MTSS1: variants seen among roughly 807,000 people sequenced by gnomAD.
The protein encoded by MTSS1 is protein MTSS 1.
A neutral mutation model predicts 79.0 loss-of-function variants in MTSS1; 18 were observed. That is an observed-to-expected ratio of 0.23 (90% CI 0.16 to 0.34). The LOEUF (loss-of-function observed/expected upper bound fraction) is 0.34, where lower values mean the gene tolerates loss of function less well. Ranked by LOEUF, MTSS1 falls within the 10% of genes least tolerant of loss-of-function variation. The pLI is 1.00. For missense variants in MTSS1, 815 were observed against 986.2 expected (o/e 0.83, Z 2.33); for synonymous variants, 341 against 368.6 (o/e 0.93, Z 0.86).
At chr8:124,606,928 T>G (rs1392003506) in intron 3 of MTSS1, among the ~76,000 whole-genome samples, 4 of 152,104 alleles carry the variant, frequency 2.6e-5, no homozygotes, top group Non-Finnish European at 5.9e-5. Context: ...TATCCTGAAA[T>G]CACCCTTTCA....
Position 124,551,367 on chromosome 8 carries a change from G to C in MTSS1, c.*1625C>G, listed in dbSNP as rs1157951009. 6.6e-6 allele frequency: 1 copy of C among 152,612 alleles called. No individual in the cohort carries two copies. The highest frequency in any genetic ancestry group is 1.5e-5 in the Non-Finnish European group (1 of 68,034). 9.5% of individuals were successfully genotyped at this position (152,612 alleles called of 1,614,324 possible). A position where few individuals can be genotyped will look rare whatever the true frequency, so the allele number is the denominator to read the frequency against. On this transcript the variant is annotated 3_prime_UTR_variant, in exon 14 of 14. Transcript: ENST00000518547. ...AATAGTTTCTAATAATCATGCCTTT[G>C]CTTTAAAGCCGTAACATAAAATGTC...
chr8:124,570,439 G>A (rs1448833525), intron 6 of MTSS1, among the ~76,000 whole-genome samples: 2 of 152,202 alleles, frequency 1.3e-5, no homozygotes, highest in African/African-American at 4.8e-5. Flanking sequence ...TATTTTGAAA[G>A]AGAGAAAGAG....
Position 124,727,764 on chromosome 8 carries a change from A to T in MTSS1, c.72+120T>A. The stretch of plus-strand genomic sequence containing the variant: ...TGACACTCCGGCCGGGAGCTCCCGC[A>T]GGTGGCCGGTGGCCACACTGCAGGG... On this transcript the variant is annotated intron_variant, in intron 1 of 13. Transcript: ENST00000518547. This position sits in a 1 kb window ranked among gnomAD's most constrained non-coding sequence, Gnocchi z 4.7. 1 of 828,908 alleles carries T rather than the reference A, an allele frequency of 1.2e-6. No homozygotes were observed. The highest frequency in any genetic ancestry group is 1.8e-6 in the Non-Finnish European group (1 of 546,302). 51.3% of individuals were successfully genotyped at this position (828,908 alleles called of 1,614,324 possible). A position where few individuals can be genotyped will look rare whatever the true frequency, so the allele number is the denominator to read the frequency against.
chr8:124,608,761 G>A (rs1253704012), intron 3 of MTSS1, among the ~76,000 whole-genome samples: 4 of 152,190 alleles, frequency 2.6e-5, no homozygotes, highest in African/African-American at 9.7e-5. Flanking sequence ...ACTGTGTGGA[G>A]GGTGCTGTGG....
At chr8:124,560,554 G>C (rs1299228722) in intron 10 of MTSS1, among the ~76,000 whole-genome samples, 3 of 152,148 alleles carry the variant, frequency 2.0e-5, no homozygotes, top group Non-Finnish European at 4.4e-5. Flanking sequence ...GGTAGGCTGA[G>C]GTAGGAGAAT....
intron 3 of MTSS1, among the ~76,000 whole-genome samples, chr8:124,608,879 T>G (rs1265836919): frequency 3.9e-5 from 6 of 152,194 alleles, no homozygotes; most frequent in Non-Finnish European, 8.8e-5. Context: ...ACCCTGGGCC[T>G]AGGATCTCAA....
intron 1 of MTSS1, among the ~76,000 whole-genome samples, chr8:124,719,878 G>T (rs549420347): frequency 6.6e-6 from 1 of 152,270 alleles, no homozygotes; most frequent in Non-Finnish European, 1.5e-5. Flanking sequence ...ACTTTAAGAG[G>T]GAAGGATTAT....
At position 124,727,096 on chromosome 8, in the gene MTSS1, G is replaced by GCA. The variant is rs531663357; in HGVS notation, c.72+786_72+787dup. Reference sequence around the variant, plus strand: ...GTTCCCCGCCCCCACGCGCGCGCGCGCACACACACATGCACGCGCGCACAC... The same window carrying GCA: ...GTTCCCCGCCCCCACGCGCGCGCGCGCACACACACACATGCACGCGCGCACAC... On this transcript the variant is annotated intron_variant, in intron 1 of 13. Coordinates refer to ENST00000518547, the MANE Select transcript of MTSS1 (RefSeq NM_014751.6). This position sits in a 1 kb window ranked among gnomAD's most constrained non-coding sequence, Gnocchi z 4.7. Among the ~76,000 whole-genome samples the GCA allele has an allele frequency of 3.4e-4, 51 of 151,830 alleles. No individual in the cohort carries two copies. Among genetic ancestry groups the GCA allele is most frequent in the Admixed American group, 9.8e-4 (15 of 15,276 alleles).
At chr8:124,666,807 A>C (rs1360097105) in intron 3 of MTSS1, among the ~76,000 whole-genome samples, 1 of 152,012 alleles carries the variant, frequency 6.6e-6, no homozygotes, top group Non-Finnish European at 1.5e-5. Flanking sequence ...TTATCATGTG[A>C]CCATTAATGG....
chr8:124,589,778 G>A (rs1319152099), intron 4 of MTSS1, 67 bp from the exon 5 acceptor site: 2 of 1,183,160 alleles, frequency 1.7e-6, no homozygotes, highest in Admixed American at 3.7e-5. Context: ...GGATTTAAAT[G>A]TGGTTGTCAA....
intron 9 of MTSS1, among the ~76,000 whole-genome samples, chr8:124,563,706 G>C (rs558865650): frequency 7.9e-5 from 12 of 152,304 alleles, no homozygotes; most frequent in African/African-American, 2.9e-4. Flanking sequence ...TTGGCAAGAG[G>C]CAGGCAGCTT....
intron 3 of MTSS1, among the ~76,000 whole-genome samples, chr8:124,693,274 G>T (rs941067836): frequency 1.3e-5 from 2 of 152,182 alleles, no homozygotes; most frequent in Non-Finnish European, 2.9e-5. Flanking sequence ...GGACAGGTGG[G>T]TTATGGCAAG....
At chr8:124,594,260 G>C (rs530569127) in intron 3 of MTSS1, among the ~76,000 whole-genome samples, 18 of 152,372 alleles carry the variant, frequency 1.2e-4, no homozygotes, top group African/African-American at 4.3e-4. Flanking sequence ...GCCGGGCTCA[G>C]TGGCTCACGC....
At chr8:124,586,476 T>A (rs1830866647) in intron 5 of MTSS1, among the ~76,000 whole-genome samples, 1 of 152,146 alleles carries the variant, frequency 6.6e-6, no homozygotes, top group African/African-American at 2.4e-5. Context: ...CCTCTGGGGC[T>A]CCCTGTATCT....
chr8:124,719,743 T>A (rs954073690), intron 1 of MTSS1, among the ~76,000 whole-genome samples: 1 of 152,246 alleles, frequency 6.6e-6, no homozygotes, highest in Non-Finnish European at 1.5e-5. Flanking sequence ...CTTTGAAACA[T>A]CTGAGTGCCA....
chr8:124,721,411 A>ATTT (rs71289689), intron 1 of MTSS1, among the ~76,000 whole-genome samples: 14,908 of 127,116 alleles, frequency 0.12, 1,412 homozygotes, highest in African/African-American at 0.17. Context: ...TTTAACTCTA[A>ATTT]TTTTTTTTTT....
intron 3 of MTSS1, among the ~76,000 whole-genome samples, chr8:124,674,931 T>G (rs2134767962): frequency 6.6e-6 from 1 of 152,068 alleles, no homozygotes; most frequent in East Asian, 1.9e-4. Context: ...CATGTTGGCC[T>G]GGCTGGTCTC....
In MTSS1 at chr8:124,555,923, A is replaced by G. The variant is rs774492912; in HGVS notation, c.1405-19T>C. The G allele has an allele frequency of 1.9e-5, 30 of 1,591,650 alleles. No homozygotes were observed. The African/African-American group carries it at 4.0e-4, about 21-fold the overall frequency. Reference sequence around the variant, plus strand: ...CACCAGGCTGCAGGTTGGAGGAGAGAAATACACAGGTTGCTTTAGGGGGGG... The same window carrying G: ...CACCAGGCTGCAGGTTGGAGGAGAGGAATACACAGGTTGCTTTAGGGGGGG... On this transcript the variant is annotated intron_variant, in intron 12 of 13. Transcript: ENST00000518547.
chr8:124,673,859 T>A (rs1211494166), intron 3 of MTSS1, among the ~76,000 whole-genome samples: 1 of 152,152 alleles, frequency 6.6e-6, no homozygotes, highest in African/African-American at 2.4e-5. Context: ...TGGCACAAGG[T>A]GAGTTGCTAA....
Sources: gnomAD v4.1 joint callset for allele counts (sites outside exome capture counted in the v4.1 genomes callset) on GRCh38, gnomAD v4.1.1 for gene constraint, Gnocchi (gnomAD v3.1) non-coding constraint, MANE v1.5 for transcripts, NCBI Gene and HGNC (gene_info 2026-07-23, HGNC 2026-07-21) for gene names.